Variants in PCDH11X observed in about 807,000 individuals in gnomAD.
PCDH11X encodes protocadherin 11 X-linked, also known as protocadherin-11 X-linked.
PCDH11X carries 18 observed loss-of-function variants against 53.3 expected under a neutral mutation model. The ratio of observed to expected loss-of-function variants is 0.34; its 90% CI spans 0.23 to 0.50. PCDH11X has a LOEUF of 0.50. Ranked by LOEUF, PCDH11X falls within the 20% of genes least tolerant of loss-of-function variation. The probability of loss-of-function intolerance (pLI) is 0.98; values close to 1 mark genes in which losing one functional copy is unlikely to be tolerated. For synonymous variants in PCDH11X, 279 were observed against 393.3 expected, an observed-to-expected ratio of 0.71 and a Z score of 3.44; for missense variants, 570 against 1,032.4, an observed-to-expected ratio of 0.55 and a Z score of 6.14.
At chrX:92,286,195 A>C (rs1481139009) in intron 8 of PCDH11X, among the ~76,000 whole-genome samples, 1 of 106,890 alleles carries the variant, frequency 9.4e-6, no homozygotes, top group East Asian at 3.0e-4. Flanking sequence ...TTCCTAACAA[A>C]AGATCATCAT....
intron 10 of PCDH11X, among the ~76,000 whole-genome samples, chrX:92,538,601 T>G (rs1251231325): frequency 9.9e-6 from 1 of 101,340 alleles, no homozygotes; most frequent in Non-Finnish European, 2.0e-5. Context: ...TATTTTAAAC[T>G]GATGACAACA....
rs1298986415 is a variant in PCDH11X at position 92,112,108 on chromosome X, C to CAAA, written c.3034-89253_3034-89251dup. Among the ~76,000 whole-genome samples, 47 of 72,309 alleles carry CAAA rather than the reference C, an allele frequency of 6.5e-4. 1 individual carries two copies. Among genetic ancestry groups the CAAA allele is most frequent in the African/African-American group, 1.9e-3 (41 of 21,260 alleles). 62.8% of individuals were successfully genotyped at this position (72,309 alleles called of 115,157 possible). A position where few individuals can be genotyped will look rare whatever the true frequency, so the allele number is the denominator to read the frequency against. On this transcript the variant is annotated intron_variant, in intron 6 of 10. Coordinates refer to ENST00000682573, the MANE Select transcript of PCDH11X (RefSeq NM_032968.5). ...CTGATTATCACACAACCAGGAATAC[C>CAAA]AAAAAAAAAAAAAAAAGGTATCAGC...
chrX:91,944,023 TTGTG>T lies in PCDH11X; in HGVS notation c.3033+64786_3033+64789del, dbSNP rs755497548. 4.1e-3 allele frequency among the ~76,000 whole-genome samples: 261 copies of T among 63,926 alleles called. 7 individuals are homozygous for T. The highest frequency in any genetic ancestry group is 7.4e-3 in the Middle Eastern group (1 of 135). 55.5% of individuals were successfully genotyped at this position (63,926 alleles called of 115,157 possible). On this transcript the variant is annotated intron_variant, in intron 6 of 10. Coordinates refer to ENST00000682573, the MANE Select transcript of PCDH11X (RefSeq NM_032968.5). Reference sequence around the variant, plus strand: ...ATATCCCAAAGCTGTATCTCCTGGATTGTGTGTGTGTGTGTGTGTGTGTGTGTGT... The same window carrying T: ...ATATCCCAAAGCTGTATCTCCTGGATTGTGTGTGTGTGTGTGTGTGTGTGT...
intron 7 of PCDH11X, among the ~76,000 whole-genome samples, chrX:92,259,899 GGGC>G (rs1460317744): frequency 1.8e-5 from 2 of 111,372 alleles, no homozygotes; most frequent in Non-Finnish European, 3.8e-5. Context: ...TGGGGAGTTA[GGGC>G]CTGGAACGGG....
intron 6 of PCDH11X, chrX:91,983,295 A>T: frequency 1.1e-6 from 1 of 923,626 alleles, no homozygotes; most frequent in Non-Finnish European, 1.6e-6. Flanking sequence ...TTCTCTGTAA[A>T]CGTCAGGCCG....
intron 7 of PCDH11X, among the ~76,000 whole-genome samples, chrX:92,222,988 TA>T (rs1322402695): frequency 8.9e-6 from 1 of 112,068 alleles, no homozygotes; most frequent in African/African-American, 3.2e-5. Flanking sequence ...TTTTGTTTTT[TA>T]TTTCTTTATT....
chrX:92,105,004 C>G (rs977275412), intron 6 of PCDH11X, among the ~76,000 whole-genome samples: 1 of 110,664 alleles, frequency 9.0e-6, no homozygotes, highest in African/African-American at 3.3e-5. Context: ...GGTGAAGGAC[C>G]AAGTCAGGCA....
chrX:91,820,923 A>C (rs1204245198), intron 4 of PCDH11X, among the ~76,000 whole-genome samples: 1 of 108,178 alleles, frequency 9.2e-6, no homozygotes, highest in Non-Finnish European at 1.9e-5. Context: ...CATTTATTAG[A>C]TAGGGAATCC....
chrX:92,161,832 G>A (rs2065649043), intron 6 of PCDH11X, among the ~76,000 whole-genome samples: 2 of 72,722 alleles, frequency 2.8e-5, no homozygotes, highest in African/African-American at 5.8e-5. Flanking sequence ...AGTACATTTT[G>A]CATTTCTCTG....
Position 92,620,097 on chromosome X carries a change from A to G in PCDH11X, c.*1157A>G, listed in dbSNP as rs1306025761. ...CAAGAATATCAGGAAGGAACTTTTC[A>G]AGAAATGTAATTATAAATCTACATC... On this transcript the variant is annotated 3_prime_UTR_variant, in exon 11 of 11. Transcript: ENST00000682573. 9.1e-6 allele frequency: 1 copy of G among 110,227 alleles called. No homozygotes were observed. Among genetic ancestry groups the G allele is most frequent in the Non-Finnish European group, 1.9e-5 (1 of 52,678 alleles). The allele number at this position is 110,227 out of a possible 1,213,427, so 9.1% of individuals were successfully genotyped here. A position where few individuals can be genotyped will look rare whatever the true frequency, so the allele number is the denominator to read the frequency against.
intron 10 of PCDH11X, among the ~76,000 whole-genome samples, chrX:92,531,683 C>A (rs2074558100): frequency 9.2e-6 from 1 of 108,292 alleles, no homozygotes; most frequent in Non-Finnish European, 1.9e-5. Context: ...AGTGACTGAC[C>A]CATTTATATA....
At chrX:92,168,726 C>A (rs1208429609) in intron 6 of PCDH11X, among the ~76,000 whole-genome samples, 1 of 111,620 alleles carries the variant, frequency 9.0e-6, no homozygotes, top group Non-Finnish European at 1.9e-5. Context: ...TAGATATCAT[C>A]TATCCCAAAA....
At chrX:92,611,151 G>T (rs1927333396) in intron 10 of PCDH11X, among the ~76,000 whole-genome samples, 1 of 109,710 alleles carries the variant, frequency 9.1e-6, no homozygotes, top group Admixed American at 9.8e-5. Context: ...GACTTTGGTA[G>T]TTTGATAGGA....
chrX:92,457,083 A>T (rs1393782184), intron 9 of PCDH11X, among the ~76,000 whole-genome samples: 1 of 109,326 alleles, frequency 9.1e-6, no homozygotes, highest in African/African-American at 3.3e-5. Context: ...TATATCTTTC[A>T]ATATCAAGCA....
intron 6 of PCDH11X, among the ~76,000 whole-genome samples, chrX:92,031,467 A>ATAGAAGCTTT (rs1352661602): frequency 1.9e-5 from 2 of 108,065 alleles, no homozygotes; most frequent in African/African-American, 6.9e-5. Context: ...TCTTTGCTGC[A>ATAGAAGCTTT]TAGAAGCTTT....
intron 6 of PCDH11X, among the ~76,000 whole-genome samples, chrX:91,921,370 T>C (rs1348101758): frequency 1.8e-5 from 2 of 110,556 alleles, no homozygotes; most frequent in Non-Finnish European, 3.8e-5. Context: ...TTCTATGGGT[T>C]TGGAAAACAT....
At chrX:92,015,245 C>A (rs1244234971) in intron 6 of PCDH11X, among the ~76,000 whole-genome samples, 2 of 111,152 alleles carry the variant, frequency 1.8e-5, no homozygotes, top group Non-Finnish European at 3.8e-5. Flanking sequence ...CCATTGAAAT[C>A]TTTTTGCTGG....
intron 6 of PCDH11X, among the ~76,000 whole-genome samples, chrX:91,926,191 G>T (rs1217247871): frequency 9.2e-6 from 1 of 108,547 alleles, no homozygotes; most frequent in Non-Finnish European, 1.9e-5. Flanking sequence ...AAATTCTGCT[G>T]TGTGGGTCAG....
Position 92,212,432 on chromosome X carries a change from C to A in PCDH11X, c.3114+10977C>A, listed in dbSNP as rs139317242. On this transcript the variant is annotated intron_variant, in intron 7 of 10. Transcript: ENST00000682573. ...ATGGCACTATCTCGGTTCACTGCAA[C>A]CTCCACCTCCCGGTTTCAAGCAATT... is the stretch of plus-strand genomic sequence containing the variant. Among the ~76,000 whole-genome samples the A allele has an allele frequency of 0.022, 2,470 of 111,583 alleles. 94 individuals are homozygous for A. In the East Asian group the frequency reaches 0.23, roughly 11 times the overall value.
Sources: allele counts gnomAD v4.1 joint callset (sites outside exome capture counted in the v4.1 genomes callset), GRCh38; gene constraint gnomAD v4.1.1; transcripts MANE v1.5; gene names NCBI Gene and HGNC (gene_info 2026-07-23, HGNC 2026-07-21).